The following TPTE2 variants were observed in gnomAD, a reference collection of about 807,000 sequenced individuals.
TPTE2 encodes the protein phosphatidylinositol 3,4,5-trisphosphate 3-phosphatase TPTE2.
A neutral mutation model predicts 78.6 loss-of-function variants in TPTE2; 53 were observed. The ratio of observed to expected loss-of-function variants is 0.67; its 90% CI spans 0.54 to 0.85. TPTE2 has a LOEUF of 0.85. TPTE2 is among the 40% of genes least tolerant of loss of function. TPTE2 has a pLI of 0.00. For missense variants in TPTE2, 461 were observed against 623.0 expected, an observed-to-expected ratio of 0.74 and a Z score of 2.77; for synonymous variants, 175 against 206.2, an observed-to-expected ratio of 0.85 and a Z score of 1.30.
intron 1 of TPTE2, among the ~76,000 whole-genome samples, chr13:19,533,723 T>G (rs1170160807): frequency 6.6e-6 from 1 of 152,242 alleles, no homozygotes; most frequent in African/African-American, 2.4e-5. Flanking sequence ...GATTGTTATG[T>G]TGTCATGGCA....
the TPTE2 span, among the ~76,000 whole-genome samples, chr13:19,543,547 G>A: frequency 1.3e-5 from 2 of 149,552 alleles, no homozygotes; most frequent in South Asian, 4.2e-4. Flanking sequence ...GTAGAGACGG[G>A]GTTTCACCAT....
chr13:19,467,633 T>C (rs1401632094), intron 6 of TPTE2, among the ~76,000 whole-genome samples: 2 of 152,204 alleles, frequency 1.3e-5, no homozygotes, highest in Non-Finnish European at 1.5e-5. Context: ...ACCCTTATTG[T>C]GGACAATGGG....
intron 1 of TPTE2, among the ~76,000 whole-genome samples, chr13:19,497,108 G>T (rs961973172): frequency 1.3e-5 from 2 of 152,022 alleles, no homozygotes; most frequent in African/African-American, 4.8e-5. Context: ...AAAAAACGGT[G>T]CACCGCGAGA....
At chr13:19,424,592 G>C (rs920280693) in intron 19 of TPTE2, among the ~76,000 whole-genome samples, 1 of 152,128 alleles carries the variant, frequency 6.6e-6, no homozygotes, top group African/African-American at 2.4e-5. Flanking sequence ...TTCGTCATTG[G>C]TAAATCAGCA....
intron 1 of TPTE2, among the ~76,000 whole-genome samples, chr13:19,524,744 T>C (rs145666809): frequency 0.025 from 3,859 of 152,220 alleles, 130 homozygotes; most frequent in African/African-American, 0.075. Context: ...CTGAAAAAGA[T>C]GATGCTTGAG....
chr13:19,546,440 A>G, the TPTE2 span, among the ~76,000 whole-genome samples: 1 of 151,546 alleles, frequency 6.6e-6, no homozygotes, highest in Admixed American at 6.6e-5. Flanking sequence ...GAACAACAAC[A>G]AAGCATTTAG....
At chr13:19,556,135 G>A in the TPTE2 span, among the ~76,000 whole-genome samples, 18 of 151,934 alleles carry the variant, frequency 1.2e-4, no homozygotes, top group Admixed American at 9.8e-4. Context: ...TCCGATGCAC[G>A]CTTAACCATT....
chr13:19,432,597 CT>C lies in TPTE2; in HGVS notation c.1117-20del. 4 of 1,490,118 alleles carry C rather than the reference CT, an allele frequency of 2.7e-6. No individual in the cohort carries two copies. The highest frequency in any genetic ancestry group is 3.7e-6 in the Non-Finnish European group (4 of 1,077,528). 92.3% of individuals were successfully genotyped at this position (1,490,118 alleles called of 1,614,324 possible). ...ATCTATTCTGAAAAGCAACAGAAAT[CT>C]TCCTTTAAGTGGAGATGAAAAGTCT... On this transcript the variant is annotated intron_variant, in intron 15 of 19. Transcript: ENST00000400230.
At chr13:19,456,540 A>G (rs2492394) in intron 10 of TPTE2, among the ~76,000 whole-genome samples, 141,061 of 152,218 alleles carry the variant, frequency 0.93, 65,793 homozygotes, top group East Asian at 1. Context: ...GAAAATGAAG[A>G]TCTTCAAATA....
At chr13:19,468,714 G>T (rs1158067369) in intron 6 of TPTE2, among the ~76,000 whole-genome samples, 1 of 152,148 alleles carries the variant, frequency 6.6e-6, no homozygotes, top group Non-Finnish European at 1.5e-5. Flanking sequence ...CATTTTAGCT[G>T]GGGTGAGATG....
At chr13:19,518,448 T>C (rs1488995588) in intron 1 of TPTE2, among the ~76,000 whole-genome samples, 1 of 152,152 alleles carries the variant, frequency 6.6e-6, no homozygotes, top group African/African-American at 2.4e-5. Context: ...GGGCAAAATA[T>C]GTGAACAGAT....
intron 3 of TPTE2, among the ~76,000 whole-genome samples, chr13:19,487,744 C>T (rs1593390908): frequency 6.6e-6 from 1 of 152,062 alleles, no homozygotes; most frequent in Non-Finnish European, 1.5e-5. Flanking sequence ...GCTACTGGCC[C>T]CCAGAGGAGG....
intron 10 of TPTE2, among the ~76,000 whole-genome samples, chr13:19,453,733 T>TG (rs1878353959): frequency 1.3e-5 from 2 of 152,086 alleles, no homozygotes; most frequent in South Asian, 4.1e-4. Context: ...TGTCACCAGA[T>TG]GGACAGTTTC....
intron 3 of TPTE2, among the ~76,000 whole-genome samples, chr13:19,483,722 A>G (rs1880492447): frequency 2.0e-5 from 3 of 152,052 alleles, no homozygotes; most frequent in African/African-American, 7.2e-5. Flanking sequence ...AGAATTGTTC[A>G]GTGGTTTATT....
chr13:19,524,319 A>G (rs552686659), intron 1 of TPTE2, among the ~76,000 whole-genome samples: 3 of 152,348 alleles, frequency 2.0e-5, no homozygotes, highest in South Asian at 2.1e-4. Context: ...TTTTCTAACC[A>G]GCTTTACTCT....
At chr13:19,549,802 C>T in the TPTE2 span, among the ~76,000 whole-genome samples, 1 of 88,090 alleles carries the variant, frequency 1.1e-5, no homozygotes, top group Admixed American at 1.4e-4. Flanking sequence ...GACATATACA[C>T]CATGGAATAC....
At chr13:19,552,500 T>C in the TPTE2 span, 1 of 585,534 alleles carries the variant, frequency 1.7e-6, no homozygotes, top group African/African-American at 2.0e-5. Flanking sequence ...GTATCTACAC[T>C]CTGAAAGTGA....
chr13:19,525,064 G>T (rs944477929), intron 1 of TPTE2, among the ~76,000 whole-genome samples: 8 of 152,090 alleles, frequency 5.3e-5, no homozygotes, highest in Non-Finnish European at 1.2e-4. Flanking sequence ...TGAGGAGAGA[G>T]GGCAACATTG....
rs1871015075 is a variant in TPTE2, at chr13:19,533,581, T to TG, written c.-44+3014dup. On this transcript the variant is annotated intron_variant, in intron 1 of 17. Transcript: ENST00000390680. The stretch of plus-strand genomic sequence containing the variant: ...TGGCACTGGAGTTCTGACAAGCATG[T>TG]GGAAAGAGACGGATACTATTTTTGA... 2.0e-5 allele frequency among the ~76,000 whole-genome samples: 3 copies of TG among 152,200 alleles called. No individual in the cohort carries two copies. In the South Asian group the frequency reaches 6.2e-4, roughly 31 times the overall value.
Sources: allele counts gnomAD v4.1 joint callset (sites outside exome capture counted in the v4.1 genomes callset), GRCh38; gene constraint gnomAD v4.1.1; transcripts MANE v1.5; gene names NCBI Gene and HGNC (gene_info 2026-07-23, HGNC 2026-07-21).